Variants in AFG2A observed in about 807,000 individuals in gnomAD.
AFG2A encodes the protein ATPase family gene 2 protein homolog A.
the AFG2A span, among the ~76,000 whole-genome samples, chr4:123,305,445 G>C: frequency 6.6e-6 from 1 of 152,134 alleles, no homozygotes; most frequent in Non-Finnish European, 1.5e-5. Flanking sequence ...AGCCAATAGC[G>C]AGGACATGCT....
the AFG2A span, among the ~76,000 whole-genome samples, chr4:122,956,779 A>C: frequency 6.6e-6 from 1 of 152,162 alleles, no homozygotes; most frequent in South Asian, 2.1e-4. Context: ...TAGGGAAAAT[A>C]TGTTTGGTTT....
chr4:123,197,391 A>T, the AFG2A span, among the ~76,000 whole-genome samples: 1 of 152,176 alleles, frequency 6.6e-6, no homozygotes, highest in Non-Finnish European at 1.5e-5. Flanking sequence ...AACAAATAAG[A>T]TTTTTTACAA....
At chr4:123,136,670 G>A in the AFG2A span, among the ~76,000 whole-genome samples, 2,967 of 145,792 alleles carry the variant, frequency 0.02, 42 homozygotes, top group Middle Eastern at 0.047. Context: ...GCAAAATTCC[G>A]TCTCAAAAAA....
chr4:123,175,780 G>A, the AFG2A span, among the ~76,000 whole-genome samples: 13 of 152,220 alleles, frequency 8.5e-5, no homozygotes, highest in Admixed American at 2.0e-4. Context: ...AAAATGCAAC[G>A]GATGCATCCT....
chr4:123,098,092 A>G, the AFG2A span, among the ~76,000 whole-genome samples: 1 of 152,068 alleles, frequency 6.6e-6, no homozygotes, highest in Non-Finnish European at 1.5e-5. Flanking sequence ...TATGGCCTAT[A>G]AAGCCTAAAT....
At chr4:123,022,354 C>A in the AFG2A span, among the ~76,000 whole-genome samples, 1 of 152,052 alleles carries the variant, frequency 6.6e-6, no homozygotes, top group African/African-American at 2.4e-5. Flanking sequence ...AACAAACAAC[C>A]CCATCAAAAA....
chr4:123,141,174 A>G, the AFG2A span, among the ~76,000 whole-genome samples: 1 of 152,234 alleles, frequency 6.6e-6, no homozygotes, highest in Non-Finnish European at 1.5e-5. Flanking sequence ...TTTCTAGCAA[A>G]ACAAAAAGAA....
At chr4:122,932,590 C>CTTA in the AFG2A span, among the ~76,000 whole-genome samples, 1 of 152,078 alleles carries the variant, frequency 6.6e-6, no homozygotes, top group East Asian at 1.9e-4. Context: ...ATATGGGCTG[C>CTTA]TTATGCACAA....
chr4:123,214,642 C>A, the AFG2A span, among the ~76,000 whole-genome samples: 2 of 151,750 alleles, frequency 1.3e-5, no homozygotes, highest in Admixed American at 6.6e-5. Flanking sequence ...GTCTATTTTA[C>A]CATTTACTAA....
chr4:123,170,526 A>G, the AFG2A span, among the ~76,000 whole-genome samples: 1 of 152,198 alleles, frequency 6.6e-6, no homozygotes, highest in Non-Finnish European at 1.5e-5. Flanking sequence ...AACTGACAGT[A>G]TGATCCTATA....
At chr4:123,131,715 C>A in the AFG2A span, among the ~76,000 whole-genome samples, 23 of 152,044 alleles carry the variant, frequency 1.5e-4, no homozygotes, top group Admixed American at 6.5e-5. Context: ...ATCTTGTTAT[C>A]CATTCATCTG....
chr4:123,265,819 A>G, the AFG2A span, among the ~76,000 whole-genome samples: 1 of 152,120 alleles, frequency 6.6e-6, no homozygotes, highest in Non-Finnish European at 1.5e-5. Context: ...AGAATTACTC[A>G]AGCCAATGAT....
chr4:122,959,277 G>A, the AFG2A span, among the ~76,000 whole-genome samples: 1 of 152,202 alleles, frequency 6.6e-6, no homozygotes, highest in Admixed American at 6.5e-5. Flanking sequence ...TTTTGTGATA[G>A]TAATGTGCTC....
chr4:123,260,932 A>G, the AFG2A span, among the ~76,000 whole-genome samples: 1 of 152,202 alleles, frequency 6.6e-6, no homozygotes, highest in Non-Finnish European at 1.5e-5. Context: ...ACAAGTGAGC[A>G]TTACTGCCTG....
chr4:123,037,985 TCA>T, the AFG2A span, among the ~76,000 whole-genome samples: 10 of 152,170 alleles, frequency 6.6e-5, no homozygotes, highest in African/African-American at 2.4e-4. Flanking sequence ...GTACTTTGCC[TCA>T]GTTTTAGGTG....
chr4:123,184,368 T>C, the AFG2A span, among the ~76,000 whole-genome samples: 1 of 152,100 alleles, frequency 6.6e-6, no homozygotes, highest in African/African-American at 2.4e-5. Context: ...TTTGAGAAAA[T>C]AAGTCTGATT....
the AFG2A span, among the ~76,000 whole-genome samples, chr4:123,130,304 A>C: frequency 2.6e-5 from 4 of 152,354 alleles, no homozygotes; most frequent in African/African-American, 9.6e-5. Context: ...GGCGTGAGAC[A>C]CGATGCCAGG....
chr4:123,234,449 G>C, the AFG2A span, among the ~76,000 whole-genome samples: 1 of 152,040 alleles, frequency 6.6e-6, no homozygotes, highest in Non-Finnish European at 1.5e-5. Context: ...TGAAAATATA[G>C]TAGGAACCCA....
At chr4:123,146,243 A>G in the AFG2A span, among the ~76,000 whole-genome samples, 2 of 152,236 alleles carry the variant, frequency 1.3e-5, no homozygotes, top group East Asian at 3.8e-4. Flanking sequence ...GCACCAGGCA[A>G]GAAAAGTATG....
Sources: allele counts gnomAD v4.1 joint callset (sites outside exome capture counted in the v4.1 genomes callset), GRCh38; gene constraint gnomAD v4.1.1; transcripts MANE v1.5; gene names NCBI Gene and HGNC (gene_info 2026-07-23, HGNC 2026-07-21).